The following TARBP1 variants were observed in gnomAD, a reference collection of about 807,000 sequenced individuals.
The protein encoded by TARBP1 is tRNA (guanosine(18)-2'-O)-methyltransferase TARBP1.
Under a neutral mutation model 178.6 loss-of-function variants are expected in TARBP1, and 144 were observed. The ratio of observed to expected loss-of-function variants is 0.81; its 90% confidence interval spans 0.70 to 0.93. The LOEUF (loss-of-function observed/expected upper bound fraction) is 0.93. Ranked by LOEUF, TARBP1 falls within the 40% of genes least tolerant of loss-of-function variation. The pLI is 0.00. For synonymous variants in TARBP1, 787 were observed against 781.0 expected, an observed-to-expected ratio of 1.01 and a Z score of -0.13; for missense variants, 2,067 against 2,011.7, an observed-to-expected ratio of 1.03 and a Z score of -0.53.
rs547836362 is a variant in TARBP1 at position 234,430,103 on chromosome 1, G to C, written c.2593C>G (p.Pro865Ala). The C allele has an allele frequency of 1.9e-6, 3 of 1,612,938 alleles. No homozygotes were observed. Among genetic ancestry groups the C allele is most frequent in the Non-Finnish European group, 2.5e-6 (3 of 1,179,074 alleles). ...TCCCTGTACCTGCTGCACTCCAAGG[G>C]GTGAGCATAACTGCTCTGCTCCTCT... Reference protein sequence around the residue: ...HAEEQSSYAHPLECSSVLEES... With the variant: ...HAEEQSSYAHALECSSVLEES... The change falls in exon 15 of 30, where the codon CCC becomes GCC. Residue 865 changes from proline to alanine, a missense_variant. Coordinates refer to ENST00000040877, the MANE Select transcript of TARBP1 (RefSeq NM_005646.4).
chr1:234,434,709 C>A (rs1010172898), intron 13 of TARBP1, among the ~76,000 whole-genome samples: 2 of 152,042 alleles, frequency 1.3e-5, no homozygotes. Context: ...GGGTCCCTGG[C>A]AGAACTGAAG....
At chr1:234,401,874 A>G (rs1660704971) in intron 24 of TARBP1, among the ~76,000 whole-genome samples, 1 of 152,240 alleles carries the variant, frequency 6.6e-6, no homozygotes, top group Admixed American at 6.5e-5. Flanking sequence ...CACACATCAC[A>G]GGAGACAGGA....
intron 3 of TARBP1, among the ~76,000 whole-genome samples, chr1:234,469,889 A>G (rs1030977480): frequency 2.6e-5 from 4 of 152,246 alleles, no homozygotes. Context: ...ATACAGAACA[A>G]TAACTGAAAA....
chr1:234,470,871 C>G (rs1466937635), intron 3 of TARBP1, among the ~76,000 whole-genome samples: 2 of 152,168 alleles, frequency 1.3e-5, no homozygotes, highest in African/African-American at 2.4e-5. Flanking sequence ...CCACCTCTGC[C>G]TCCCAAAGTG....
At position 234,393,707 on chromosome 1, in the gene TARBP1, T is replaced by G. The variant is rs141119277; in HGVS notation, c.4374A>C (p.Gly1458=). Residue 1458 remains glycine (G), a synonymous_variant, in exon 27 of 30, where the codon GGA becomes GGC. Coordinates refer to ENST00000040877, the MANE Select transcript of TARBP1 (RefSeq NM_005646.4). ...LLFQDRAARL[G]KSISRLIVVA... ...CAACGATGAGTCTACTAATTGACTTTCCAAGTCTGGCAGCACGATCCTGAA... is the reference window on the plus strand; with the variant it reads ...CAACGATGAGTCTACTAATTGACTTGCCAAGTCTGGCAGCACGATCCTGAA... 25 of 1,614,012 alleles carry G rather than the reference T, an allele frequency of 1.5e-5. No homozygotes were observed. The African/African-American group carries it at 3.3e-4, about 22-fold the overall frequency.
At chr1:234,445,259 C>A (rs1315992221) in intron 12 of TARBP1, among the ~76,000 whole-genome samples, 1 of 152,128 alleles carries the variant, frequency 6.6e-6, no homozygotes. Context: ...TGCTGTTCCT[C>A]TTCACCTCAC....
intron 15 of TARBP1, 69 bp downstream of exon 15, chr1:234,430,018 T>A (rs1664252915): frequency 7.0e-7 from 1 of 1,421,324 alleles, no homozygotes; most frequent in African/African-American, 1.4e-5. Context: ...TTATAAGCAA[T>A]GTTGGGCAAT....
At chr1:234,436,207 G>A (rs12049627) in intron 13 of TARBP1, among the ~76,000 whole-genome samples, 20,324 of 152,142 alleles carry the variant, frequency 0.13, 1,491 homozygotes, top group Middle Eastern at 0.26. Context: ...ATAAGCATAA[G>A]GGAGGGTCAT....
chr1:234,458,601 T>C (rs892156419), intron 8 of TARBP1, among the ~76,000 whole-genome samples: 6 of 152,232 alleles, frequency 3.9e-5, no homozygotes, highest in Admixed American at 2.0e-4. Context: ...AAAAGTTTGC[T>C]ACCTGGCACT....
chr1:234,403,215 C>T (rs112985042), intron 24 of TARBP1, among the ~76,000 whole-genome samples: 5,336 of 152,286 alleles, frequency 0.035, 140 homozygotes, highest in South Asian at 0.081. Flanking sequence ...TCTGTTGCTT[C>T]CCTCAGCCAG....
At chr1:234,468,634 C>T (rs921910730) in intron 3 of TARBP1, among the ~76,000 whole-genome samples, 3 of 152,138 alleles carry the variant, frequency 2.0e-5, no homozygotes, top group Non-Finnish European at 4.4e-5. Context: ...GAAATTGTCA[C>T]GCCTCTGCTT....
intron 22 of TARBP1, among the ~76,000 whole-genome samples, chr1:234,414,305 T>G (rs1294469891): frequency 6.6e-6 from 1 of 152,188 alleles, no homozygotes; most frequent in African/African-American, 2.4e-5. Context: ...GGGGAAGATG[T>G]GTGGCATACA....
chr1:234,394,357 T>G (rs1659702151), intron 26 of TARBP1, among the ~76,000 whole-genome samples: 2 of 152,224 alleles, frequency 1.3e-5, no homozygotes, highest in Admixed American at 6.5e-5. Flanking sequence ...ACAAAAGTGA[T>G]GAGGACACAG....
intron 25 of TARBP1, among the ~76,000 whole-genome samples, chr1:234,399,845 C>T (rs1292632840): frequency 1.6e-5 from 2 of 128,878 alleles, no homozygotes; most frequent in South Asian, 2.3e-4. Context: ...TGAGAACACA[C>T]GGACACAGGA....
At chr1:234,392,128 C>T (rs1659433141) in intron 29 of TARBP1, among the ~76,000 whole-genome samples, 1 of 152,188 alleles carries the variant, frequency 6.6e-6, no homozygotes, top group Non-Finnish European at 1.5e-5. Context: ...ACCATGGAGG[C>T]CAAGGCCAGA....
At chr1:234,456,606 C>A (rs1225909211) in intron 9 of TARBP1, among the ~76,000 whole-genome samples, 1 of 152,056 alleles carries the variant, frequency 6.6e-6, no homozygotes, top group Non-Finnish European at 1.5e-5. Flanking sequence ...TAGCAACATG[C>A]TAAAATGCTC....
intron 26 of TARBP1, among the ~76,000 whole-genome samples, chr1:234,396,375 C>T (rs932689197): frequency 3.3e-5 from 5 of 152,152 alleles, no homozygotes; most frequent in East Asian, 1.9e-4. Flanking sequence ...AAGCTCTCGC[C>T]GGGACAGACC....
intron 1 of TARBP1, among the ~76,000 whole-genome samples, chr1:234,477,316 G>C (rs933728972): frequency 2.0e-5 from 3 of 152,228 alleles, no homozygotes; most frequent in Non-Finnish European, 4.4e-5. Context: ...TCTGTGGACT[G>C]TTCAAATATT....
chr1:234,475,975 A>G (rs928560173), intron 1 of TARBP1, among the ~76,000 whole-genome samples: 2 of 151,844 alleles, frequency 1.3e-5, no homozygotes, highest in African/African-American at 4.8e-5. Context: ...AACGGTGCCT[A>G]TCCCAGGCAG....
Sources: gnomAD v4.1 joint callset for allele counts (sites outside exome capture counted in the v4.1 genomes callset) on GRCh38, gnomAD v4.1.1 for gene constraint, MANE v1.5 for transcripts, NCBI Gene and HGNC (gene_info 2026-07-23, HGNC 2026-07-21) for gene names.